EPHA5: variants seen among roughly 807,000 people sequenced by gnomAD.
EPHA5 encodes ephrin type-A receptor 5.
Under a neutral mutation model 105.0 loss-of-function variants are expected in EPHA5, and 60 were observed. The ratio of observed to expected loss-of-function variants is 0.57; its 90% CI spans 0.46 to 0.71. The LOEUF (loss-of-function observed/expected upper bound fraction) is 0.71. Among genes scored for constraint, EPHA5 ranks in the 30% least tolerant of loss-of-function variants. The pLI is 0.00. For missense variants in EPHA5, 1,218 were observed against 1,274.7 expected (o/e 0.96, Z 0.68); for synonymous variants, 513 against 449.1 (o/e 1.14, Z -1.80).
At chr4:65,567,234 G>A (rs1578441616) in intron 3 of EPHA5, among the ~76,000 whole-genome samples, 1 of 151,430 alleles carries the variant, frequency 6.6e-6, no homozygotes, top group African/African-American at 2.4e-5. Flanking sequence ...CAGCAAACTT[G>A]GTAGATAATT....
chr4:65,376,858 G>A (rs1012769661), intron 8 of EPHA5: 27 of 589,978 alleles, frequency 4.6e-5, no homozygotes, highest in Non-Finnish European at 7.6e-5. Context: ...AATCCATTGT[G>A]AAATCACTTG....
intron 13 of EPHA5, 144 bp downstream of exon 13, chr4:65,351,245 G>T: frequency 2.9e-6 from 2 of 680,324 alleles, no homozygotes; most frequent in African/African-American, 1.8e-5. Context: ...TTTGACTTTT[G>T]ATTTTCTCTC....
chr4:65,332,370 A>G lies in EPHA5; in HGVS notation c.2790-242T>C, dbSNP rs111819546. Among the ~76,000 whole-genome samples the G allele has an allele frequency of 2.2e-4, 34 of 152,026 alleles. 1 individual carries two copies. The highest frequency in any genetic ancestry group is 7.9e-4 in the African/African-American group (33 of 41,538). On this transcript the variant is annotated intron_variant, in intron 15 of 16. Coordinates refer to ENST00000613740, the MANE Select transcript of EPHA5 (RefSeq NM_001281766.3). ...TTAACATGAAGACTTACTAATAAGT[A>G]AATTTTATGTAAAACAAAACAATAG...
At chr4:65,415,020 T>C (rs945503434) in intron 6 of EPHA5, among the ~76,000 whole-genome samples, 1 of 152,190 alleles carries the variant, frequency 6.6e-6, no homozygotes, top group Non-Finnish European at 1.5e-5. Flanking sequence ...AAAACGTTTT[T>C]ATTTATCTTT....
intron 3 of EPHA5, among the ~76,000 whole-genome samples, chr4:65,552,161 C>G (rs1341439513): frequency 6.6e-6 from 1 of 152,202 alleles, no homozygotes; most frequent in Non-Finnish European, 1.5e-5. Context: ...AAAGCAGATG[C>G]TGACTTCATC....
chr4:65,441,839 T>C (rs1726046681), intron 5 of EPHA5, among the ~76,000 whole-genome samples: 1 of 152,128 alleles, frequency 6.6e-6, no homozygotes. Flanking sequence ...ATCAAGGAAA[T>C]CTACTAGCTA....
chr4:65,461,405 TA>T (rs1405009803), intron 5 of EPHA5, among the ~76,000 whole-genome samples: 3 of 152,038 alleles, frequency 2.0e-5, no homozygotes, highest in Non-Finnish European at 4.4e-5. Flanking sequence ...ACTGTAAATC[TA>T]AATATGTAAT....
intron 8 of EPHA5, among the ~76,000 whole-genome samples, chr4:65,386,589 CAGAG>C (rs1490648529): frequency 1.3e-5 from 2 of 151,912 alleles, no homozygotes; most frequent in Non-Finnish European, 2.9e-5. Flanking sequence ...TATACACACA[CAGAG>C]AGAGCAAAAC....
At chr4:65,581,243 CTCTT>C (rs1290724206) in intron 3 of EPHA5, among the ~76,000 whole-genome samples, 1 of 151,752 alleles carries the variant, frequency 6.6e-6, no homozygotes, top group African/African-American at 2.4e-5. Flanking sequence ...TTTTAAGCAT[CTCTT>C]TCAGATTTAC....
intron 5 of EPHA5, among the ~76,000 whole-genome samples, chr4:65,487,348 A>G (rs1730979622): frequency 6.6e-6 from 1 of 152,190 alleles, no homozygotes; most frequent in African/African-American, 2.4e-5. Context: ...CTTTCCAACA[A>G]AAATGATACT....
chr4:65,536,619 T>G (rs1736312192), intron 3 of EPHA5, among the ~76,000 whole-genome samples: 1 of 151,340 alleles, frequency 6.6e-6, no homozygotes. Context: ...TTAAAAGATA[T>G]TGTTGAAATA....
intron 5 of EPHA5, among the ~76,000 whole-genome samples, chr4:65,470,392 A>T (rs1256611858): frequency 6.6e-6 from 1 of 151,928 alleles, no homozygotes; most frequent in Non-Finnish European, 1.5e-5. Context: ...GGATTTTACC[A>T]TGTTGTCCAG....
intron 5 of EPHA5, among the ~76,000 whole-genome samples, chr4:65,428,399 C>G (rs528357880): frequency 6.6e-6 from 1 of 152,026 alleles, no homozygotes; most frequent in Non-Finnish European, 1.5e-5. Context: ...ACAGTGCATT[C>G]TCAACACACT....
rs1415663549 is a variant in EPHA5, at chr4:65,348,664, A to G, written c.2446-461T>C. Among the ~76,000 whole-genome samples the G allele has an allele frequency of 3.3e-3, 26 of 7,878 alleles. 3 individuals carry two copies. The highest frequency in any genetic ancestry group is 0.025 in the East Asian group (4 of 158). The allele number at this position is 7,878 out of a possible 152,430, so 5.2% of individuals were successfully genotyped here. On this transcript the variant is annotated intron_variant, in intron 13 of 16. Coordinates refer to ENST00000613740, the MANE Select transcript of EPHA5 (RefSeq NM_001281766.3). ...AGAAAAGCATAAACATTGGAGATAT[A>G]TATATATATATATATATATATATAT...
rs772588302 is a variant in EPHA5, at chr4:65,574,629, CAT to C, written c.910+27010_910+27011del. On this transcript the variant is annotated intron_variant, in intron 3 of 16. Coordinates refer to ENST00000613740, the MANE Select transcript of EPHA5 (RefSeq NM_001281766.3). ...ATATATATACATATATATATATACA[CAT>C]ATATATATACACATATATATACACA... 9.3e-4 allele frequency among the ~76,000 whole-genome samples: 73 copies of C among 78,652 alleles called. 2 individuals carry two copies. Among genetic ancestry groups the C allele is most frequent in the East Asian group, 1.2e-3 (4 of 3,326 alleles). 51.6% of individuals were successfully genotyped at this position (78,652 alleles called of 152,430 possible).
chr4:65,499,544 T>C (rs967031469), intron 3 of EPHA5, among the ~76,000 whole-genome samples: 4 of 151,626 alleles, frequency 2.6e-5, no homozygotes, highest in Non-Finnish European at 5.9e-5. Context: ...TGAAAACTAT[T>C]TTTGTTGAGA....
chr4:65,352,240 G>C (rs1370047191), intron 12 of EPHA5, among the ~76,000 whole-genome samples: 1 of 151,986 alleles, frequency 6.6e-6, no homozygotes, highest in Admixed American at 6.6e-5. Flanking sequence ...GGCAGAGTCT[G>C]GCAGTAGGAA....
chr4:65,331,872 C>G, intron 16 of EPHA5, 101 bp downstream of exon 16: 2 of 1,467,220 alleles, frequency 1.4e-6, no homozygotes, highest in South Asian at 1.5e-5. Context: ...TGCCACACAT[C>G]CGCAAAGGTT....
chr4:65,501,834 A>T (rs556114518), intron 3 of EPHA5, among the ~76,000 whole-genome samples: 4 of 151,810 alleles, frequency 2.6e-5, no homozygotes, highest in Non-Finnish European at 4.4e-5. Flanking sequence ...GTGGCATTAC[A>T]TTACCCAACT....
Sources: allele counts gnomAD v4.1 joint callset (sites outside exome capture counted in the v4.1 genomes callset), GRCh38; gene constraint gnomAD v4.1.1; transcripts MANE v1.5; gene names NCBI Gene and HGNC (gene_info 2026-07-23, HGNC 2026-07-21).